The following PDS5B variants were observed in gnomAD, a reference collection of about 807,000 sequenced individuals.
The protein encoded by PDS5B is PDS5 cohesin associated factor B.
PDS5B carries 51 observed loss-of-function variants against 184.1 expected under a neutral mutation model. The ratio of observed to expected loss-of-function variants is 0.28; its 90% CI spans 0.22 to 0.35. The LOEUF is 0.35. PDS5B is among the 10% of genes least tolerant of loss of function. The pLI, the probability that PDS5B is intolerant of heterozygous loss-of-function variation, is 1.00. For synonymous variants in PDS5B, 566 were observed against 569.2 expected, an observed-to-expected ratio of 0.99 and a Z score of 0.08; for missense variants, 1,180 against 1,723.3, an observed-to-expected ratio of 0.68 and a Z score of 5.58.
chr13:32,688,745 A>G lies in PDS5B; in HGVS notation c.1469+176A>G, dbSNP rs933882065. On this transcript the variant is annotated intron_variant, in intron 13 of 34. Coordinates refer to ENST00000315596, the MANE Select transcript of PDS5B (RefSeq NM_015032.4). ...TTCAGAAAGTACCACTTTAAACATG[A>G]GACTAAGCCATTACAAGCAATTGAA... 8 of 529,488 alleles carry G rather than the reference A, an allele frequency of 1.5e-5. No individual in the cohort carries two copies. The East Asian group carries it at 2.4e-4, about 16-fold the overall frequency. 32.8% of individuals were successfully genotyped at this position (529,488 alleles called of 1,614,324 possible).
At position 32,651,655 on chromosome 13, in the gene PDS5B, G is replaced by A. The variant is rs535393750; in HGVS notation, c.109-149G>A. The A allele has an allele frequency of 7.4e-6, 4 of 543,624 alleles. No homozygotes were observed. The South Asian group carries it at 1.1e-4, about 15-fold the overall frequency. The allele number at this position is 543,624 out of a possible 1,614,324, so 33.7% of individuals were successfully genotyped here. Reference sequence around the variant, plus strand: ...AGAAGTTTACTTTGTAGTTTTAGGAGAATTGTGTTCTCTCAAATAGAGACT... The same window carrying A: ...AGAAGTTTACTTTGTAGTTTTAGGAAAATTGTGTTCTCTCAAATAGAGACT... On this transcript the variant is annotated intron_variant, in intron 2 of 34. Transcript: ENST00000315596.
intron 19 of PDS5B, among the ~76,000 whole-genome samples, chr13:32,721,136 C>T (rs1195545163): frequency 1.3e-5 from 2 of 152,248 alleles, no homozygotes; most frequent in Admixed American, 6.5e-5. Context: ...CATCATGGCC[C>T]GTTCTCAATG....
At chr13:32,708,845 T>A (rs1952112515) in intron 18 of PDS5B, among the ~76,000 whole-genome samples, 1 of 152,110 alleles carries the variant, frequency 6.6e-6, no homozygotes, top group African/African-American at 2.4e-5. Flanking sequence ...TGGGACATAT[T>A]TGATATATGT....
At chr13:32,655,893 C>CT (rs1326358505) in intron 3 of PDS5B, among the ~76,000 whole-genome samples, 1 of 152,136 alleles carries the variant, frequency 6.6e-6, no homozygotes, top group African/African-American at 2.4e-5. Flanking sequence ...ATCATGAAAT[C>CT]TTTGCCAGGT....
At chr13:32,713,932 TTTTTCCTAA>T (rs1952286365) in intron 19 of PDS5B, among the ~76,000 whole-genome samples, 1 of 152,190 alleles carries the variant, frequency 6.6e-6, no homozygotes, top group Non-Finnish European at 1.5e-5. Context: ...TTCTTTTCTA[TTTTTCCTAA>T]GCGGCGGCCG....
intron 3 of PDS5B, 111 bp from the exon 4 acceptor site, chr13:32,658,128 A>G (rs550178840): frequency 5.9e-6 from 3 of 511,100 alleles, no homozygotes; most frequent in African/African-American, 4.0e-5. Context: ...CTGGTTCTTT[A>G]TAGTTTATTA....
At chr13:32,730,352 TGTA>T (rs1806971621) in intron 19 of PDS5B, among the ~76,000 whole-genome samples, 1 of 152,180 alleles carries the variant, frequency 6.6e-6, no homozygotes, top group Admixed American at 6.5e-5. Flanking sequence ...ACTGTAGCCT[TGTA>T]GTATAGTTTG....
At chr13:32,745,529 C>G (rs935156053) in intron 23 of PDS5B, among the ~76,000 whole-genome samples, 6 of 152,164 alleles carry the variant, frequency 3.9e-5, no homozygotes, top group African/African-American at 1.4e-4. Context: ...TTAGCCTGCT[C>G]AGACTGCTGT....
chr13:32,708,890 G>A (rs1952113746), intron 18 of PDS5B, among the ~76,000 whole-genome samples: 1 of 151,964 alleles, frequency 6.6e-6, no homozygotes, highest in South Asian at 2.1e-4. Flanking sequence ...AAATTATGAA[G>A]TGTAGTAACC....
intron 7 of PDS5B, among the ~76,000 whole-genome samples, chr13:32,669,902 A>G (rs1950889657): frequency 6.6e-6 from 1 of 152,142 alleles, no homozygotes; most frequent in South Asian, 2.1e-4. Flanking sequence ...AGACCTTTAT[A>G]ATTACATGTA....
intron 1 of PDS5B, among the ~76,000 whole-genome samples, chr13:32,645,282 C>G (rs1426340450): frequency 3.9e-5 from 6 of 152,180 alleles, no homozygotes; most frequent in Non-Finnish European, 8.8e-5. Flanking sequence ...TGTGCCTGGC[C>G]TCTGATAGTT....
intron 19 of PDS5B, among the ~76,000 whole-genome samples, chr13:32,718,751 G>T (rs1952566958): frequency 6.6e-6 from 1 of 152,178 alleles, no homozygotes; most frequent in Non-Finnish European, 1.5e-5. Flanking sequence ...TCAAAATGGG[G>T]TAGCCAAAAT....
chr13:32,741,085 A>G lies in PDS5B; in HGVS notation c.2412A>G (p.Pro804=). 6.6e-7 allele frequency: 1 copy of G among 1,518,434 alleles called. No individual in the cohort carries two copies. The highest frequency in any genetic ancestry group is 9.0e-7 in the Non-Finnish European group (1 of 1,110,498). The allele number at this position is 1,518,434 out of a possible 1,614,324, so 94.1% of individuals were successfully genotyped here. A position where few individuals can be genotyped will look rare whatever the true frequency, so the allele number is the denominator to read the frequency against. The change falls in exon 22 of 35, where the codon CCA becomes CCG. Residue 804 remains proline (P), a synonymous_variant. Transcript: ENST00000315596. The part of the protein sequence containing the change: ...VKDLLMNDRL[P]GKKTTKLWVP... ...TTTTTCTCGTTTATTTTTAGCTTCC[A>G]GGGAAAAAGACAACTAAACTTTGGG...
intron 19 of PDS5B, among the ~76,000 whole-genome samples, chr13:32,726,812 A>G (rs1952915824): frequency 6.6e-6 from 1 of 152,132 alleles, no homozygotes; most frequent in African/African-American, 2.4e-5. Context: ...GTGCTTTGAG[A>G]ATATGAGGCG....
At chr13:32,750,761 C>G (rs562669999) in intron 24 of PDS5B, among the ~76,000 whole-genome samples, 2 of 152,022 alleles carry the variant, frequency 1.3e-5, no homozygotes, top group South Asian at 2.1e-4. Flanking sequence ...AGGCTGGTCT[C>G]GAACTCCTGA....
intron 3 of PDS5B, among the ~76,000 whole-genome samples, chr13:32,653,514 T>C (rs1221586637): frequency 6.6e-6 from 1 of 152,212 alleles, no homozygotes; most frequent in Non-Finnish European, 1.5e-5. Context: ...AGGAATGTGC[T>C]TATTTGATCA....
At chr13:32,771,409 A>G (rs1359874793) in intron 33 of PDS5B, among the ~76,000 whole-genome samples, 3 of 152,182 alleles carry the variant, frequency 2.0e-5, no homozygotes, top group Non-Finnish European at 4.4e-5. Flanking sequence ...TGTAATTTGC[A>G]GATCTGACAG....
intron 1 of PDS5B, among the ~76,000 whole-genome samples, chr13:32,629,641 A>T (rs1337123984): frequency 1.3e-5 from 2 of 152,130 alleles, no homozygotes; most frequent in Non-Finnish European, 2.9e-5. Context: ...GATATTTCTT[A>T]TTCATCTTAT....
chr13:32,733,260 A>G (rs1313327913), intron 20 of PDS5B, among the ~76,000 whole-genome samples: 4 of 152,192 alleles, frequency 2.6e-5, no homozygotes, highest in Non-Finnish European at 5.9e-5. Flanking sequence ...TATCTTTACA[A>G]GAACCTCTGT....
Sources: gnomAD v4.1 joint callset for allele counts (sites outside exome capture counted in the v4.1 genomes callset) on GRCh38, gnomAD v4.1.1 for gene constraint, MANE v1.5 for transcripts, NCBI Gene and HGNC (gene_info 2026-07-23, HGNC 2026-07-21) for gene names.